OPCML: variants seen among roughly 807,000 people sequenced by gnomAD.
OPCML encodes the protein opioid binding protein/cell adhesion molecule like.
A neutral mutation model predicts 37.8 loss-of-function variants in OPCML; 13 were observed. That is an observed-to-expected ratio of 0.34 (90% CI 0.22 to 0.55). The LOEUF (loss-of-function observed/expected upper bound fraction) is 0.55. Among genes scored for constraint, OPCML ranks in the 20% least tolerant of loss-of-function variants. OPCML has a pLI of 0.91. For missense variants in OPCML, 341 were observed against 435.6 expected (o/e 0.78, Z 1.93); for synonymous variants, 176 against 168.8 (o/e 1.04, Z -0.33).
chr11:133,351,920 T>C (rs536594281), intron 1 of OPCML, among the ~76,000 whole-genome samples: 25 of 152,154 alleles, frequency 1.6e-4, no homozygotes, highest in Non-Finnish European at 3.1e-4. Context: ...ATCTTGACTT[T>C]TTCTGTTTTT....
At chr11:133,249,463 C>T (rs990476639) in intron 1 of OPCML, among the ~76,000 whole-genome samples, 1 of 152,128 alleles carries the variant, frequency 6.6e-6, no homozygotes, top group Non-Finnish European at 1.5e-5. Flanking sequence ...TCCAACATTG[C>T]GGATCAAATT....
chr11:133,509,709 G>A (rs184574912), intron 1 of OPCML, among the ~76,000 whole-genome samples: 2 of 152,286 alleles, frequency 1.3e-5, no homozygotes, highest in East Asian at 1.9e-4. Context: ...GAGGTCATAC[G>A]GGTTGTTAGA....
At chr11:133,269,458 T>G (rs1423926425) in intron 1 of OPCML, among the ~76,000 whole-genome samples, 1 of 152,238 alleles carries the variant, frequency 6.6e-6, no homozygotes, top group African/African-American at 2.4e-5. Context: ...TCTCACTCAC[T>G]GATCTGGTCA....
intron 2 of OPCML, among the ~76,000 whole-genome samples, chr11:132,830,111 A>AT (rs1212705294): frequency 2.0e-5 from 3 of 151,988 alleles, no homozygotes; most frequent in Non-Finnish European, 4.4e-5. Context: ...AATCTGTATT[A>AT]TTTTCATGTG....
chr11:133,007,887 C>T (rs1947142221), intron 1 of OPCML: 2 of 985,414 alleles, frequency 2.0e-6, no homozygotes, highest in Non-Finnish European at 2.4e-6. Flanking sequence ...ATGGTTTATG[C>T]TTTTCTTGGA....
intron 1 of OPCML, among the ~76,000 whole-genome samples, chr11:133,047,425 T>C (rs1948037518): frequency 6.6e-6 from 1 of 152,256 alleles, no homozygotes; most frequent in Non-Finnish European, 1.5e-5. Context: ...TCGGTTGTTA[T>C]TTATTATTCA....
chr11:133,216,534 A>G (rs1357911485), intron 1 of OPCML, among the ~76,000 whole-genome samples: 1 of 152,202 alleles, frequency 6.6e-6, no homozygotes, highest in Non-Finnish European at 1.5e-5. Context: ...AAATAGCTGT[A>G]TCTGCCATTG....
intron 4 of OPCML, among the ~76,000 whole-genome samples, chr11:132,471,980 G>T (rs1405280817): frequency 6.6e-6 from 1 of 152,116 alleles, no homozygotes; most frequent in African/African-American, 2.4e-5. Context: ...GTAGCAGCAG[G>T]CCTACATCAT....
In OPCML at chr11:133,278,334, G is replaced by A. The variant is rs190756982; in HGVS notation, c.61+253930C>T. 3.3e-5 allele frequency among the ~76,000 whole-genome samples: 5 copies of A among 151,978 alleles called. No homozygotes were observed. The East Asian group carries it at 9.7e-4, about 29-fold the overall frequency. ...GGTTTTCTTTTTCTTTTTTAGGGGG[G>A]GTTATTGTTTGGTTTTGCTTTCCCT... On this transcript the variant is annotated intron_variant, in intron 1 of 7. Transcript: ENST00000524381.
intron 2 of OPCML, among the ~76,000 whole-genome samples, chr11:132,685,303 C>T (rs565756701): frequency 4.6e-5 from 7 of 152,302 alleles, no homozygotes; most frequent in African/African-American, 1.4e-4. Flanking sequence ...TATGACATTT[C>T]TCCCTTGCTT....
intron 1 of OPCML, among the ~76,000 whole-genome samples, chr11:133,118,642 T>A (rs1949373592): frequency 6.6e-6 from 1 of 151,826 alleles, no homozygotes; most frequent in South Asian, 2.1e-4. Flanking sequence ...AGTGGATTTT[T>A]ACCATATGAA....
At chr11:132,985,632 G>T (rs561598519) in intron 1 of OPCML, among the ~76,000 whole-genome samples, 24 of 152,304 alleles carry the variant, frequency 1.6e-4, no homozygotes, top group African/African-American at 5.8e-4. Flanking sequence ...CACATATGAT[G>T]CAAAATCTCT....
chr11:132,546,535 C>G (rs1423300588), intron 3 of OPCML, among the ~76,000 whole-genome samples: 2 of 152,164 alleles, frequency 1.3e-5, no homozygotes, highest in Non-Finnish European at 2.9e-5. Context: ...TATGATCCAA[C>G]ATCCTTTTTA....
intron 1 of OPCML, among the ~76,000 whole-genome samples, chr11:133,042,013 T>C (rs1380509371): frequency 6.6e-6 from 1 of 152,134 alleles, no homozygotes; most frequent in Non-Finnish European, 1.5e-5. Flanking sequence ...CCTCATCGAA[T>C]GCATCACTCA....
intron 1 of OPCML, among the ~76,000 whole-genome samples, chr11:133,353,569 T>C (rs528238057): frequency 6.6e-6 from 1 of 152,302 alleles, no homozygotes; most frequent in South Asian, 2.1e-4. Context: ...CAGAAACAGA[T>C]GATGGGAAAG....
chr11:132,671,436 C>T (rs1411682312), intron 2 of OPCML, among the ~76,000 whole-genome samples: 1 of 152,090 alleles, frequency 6.6e-6, no homozygotes, highest in Non-Finnish European at 1.5e-5. Flanking sequence ...GTTCAGGCAC[C>T]AAGAGTTGCT....
chr11:132,426,564 C>G (rs2095978317), intron 7 of OPCML, among the ~76,000 whole-genome samples: 1 of 152,060 alleles, frequency 6.6e-6, no homozygotes, highest in African/African-American at 2.4e-5. Context: ...TCCCAAGTAG[C>G]AGGGATTATG....
intron 3 of OPCML, among the ~76,000 whole-genome samples, chr11:132,539,144 A>G (rs532633988): frequency 3.9e-4 from 60 of 152,330 alleles, no homozygotes; most frequent in African/African-American, 1.3e-3. Context: ...AGCTTAGTGT[A>G]TAGAGGAGAA....
intron 1 of OPCML, among the ~76,000 whole-genome samples, chr11:133,402,026 T>G (rs1415470457): frequency 6.6e-6 from 1 of 152,130 alleles, no homozygotes; most frequent in African/African-American, 2.4e-5. Flanking sequence ...TATAAAAAGA[T>G]TTCTTAGACA....
Sources: gnomAD v4.1 joint callset for allele counts (sites outside exome capture counted in the v4.1 genomes callset) on GRCh38, gnomAD v4.1.1 for gene constraint, MANE v1.5 for transcripts, NCBI Gene and HGNC (gene_info 2026-07-23, HGNC 2026-07-21) for gene names.